Variants in IQSEC1 observed in about 807,000 individuals in gnomAD.
IQSEC1 encodes the protein IQ motif and SEC7 domain-containing protein 1.
IQSEC1 carries 31 observed loss-of-function variants against 91.0 expected under a neutral mutation model. The observed-to-expected ratio is 0.34, with a 90% CI of 0.26 to 0.46. The LOEUF is 0.46. Among genes scored for constraint, IQSEC1 ranks in the 20% least tolerant of loss-of-function variants. The pLI is 1.00. For synonymous variants in IQSEC1, 699 were observed against 662.6 expected, an observed-to-expected ratio of 1.05 and a Z score of -0.84; for missense variants, 1,388 against 1,575.6, an observed-to-expected ratio of 0.88 and a Z score of 2.02.
In IQSEC1 at chr3:12,996,181, T is replaced by A. The variant is rs192556774; in HGVS notation, c.24-54316A>T. ...GTCTCTTAAAAACACTTTTTTTTTT[T>A]AAAGAGCAGTTAAGGGAAGATAAGA... On this transcript the variant is annotated intron_variant, in intron 1 of 13. Coordinates refer to ENST00000613206, the MANE Select transcript of IQSEC1 (RefSeq NM_001134382.3). Among the ~76,000 whole-genome samples the A allele has an allele frequency of 4.1e-3, 621 of 152,208 alleles. 5 individuals carry two copies. Among genetic ancestry groups the A allele is most frequent in the Non-Finnish European group, 5.2e-3 (351 of 67,996 alleles).
chr3:13,098,792 G>A (rs1706008102), intron 2 of IQSEC1, among the ~76,000 whole-genome samples: 1 of 152,236 alleles, frequency 6.6e-6, no homozygotes, highest in Non-Finnish European at 1.5e-5. Context: ...CAGGGACTTA[G>A]GGGAAGAGGA....
chr3:13,224,569 TG>T (rs1267990716), intron 1 of IQSEC1, among the ~76,000 whole-genome samples: 1 of 152,154 alleles, frequency 6.6e-6, no homozygotes. Context: ...TGAGAGCATC[TG>T]ATCTCCGCAG....
intron 13 of IQSEC1, 130 bp downstream of exon 13, chr3:12,902,643 C>CAAA: frequency 3.3e-6 from 1 of 305,382 alleles, no homozygotes; most frequent in South Asian, 3.1e-5. Context: ...AAGGAAAAGC[C>CAAA]AAAAAAAAAA....
chr3:13,044,578 T>A (rs535577327), intron 1 of IQSEC1, among the ~76,000 whole-genome samples: 1 of 152,350 alleles, frequency 6.6e-6, no homozygotes, highest in South Asian at 2.1e-4. Context: ...CAACTTGGGC[T>A]GATAACTGGG....
rs528924611 is a variant in IQSEC1, at chr3:13,214,372, C to T, written c.273-50239G>A. ...AGCTGCCCAGGCCGACTCCTCACCC[C>T]GTCCCACAGCCAGCACAGGCAGGCA... On this transcript the variant is annotated intron_variant, in intron 1 of 15. Coordinates refer to the IQSEC1 transcript ENST00000648114. This position sits in a 1 kb window ranked among gnomAD's most constrained non-coding sequence, Gnocchi z 4.5. 1.4e-4 allele frequency among the ~76,000 whole-genome samples: 21 copies of T among 152,352 alleles called. No homozygotes were observed. The highest frequency in any genetic ancestry group is 4.6e-4 in the African/African-American group (19 of 41,582).
At chr3:13,280,954 G>A (rs1032369565) in intron 1 of IQSEC1, among the ~76,000 whole-genome samples, 2 of 152,230 alleles carry the variant, frequency 1.3e-5, no homozygotes, top group South Asian at 2.1e-4. Context: ...CGGCCAAGGC[G>A]GCTGCCTGGA....
chr3:13,163,217 G>C (rs113675770), intron 2 of IQSEC1, among the ~76,000 whole-genome samples: 280 of 152,234 alleles, frequency 1.8e-3, no homozygotes, highest in South Asian at 0.012. Context: ...TCTGTCTCTT[G>C]TTCTGCAGGC....
At chr3:13,268,745 C>T (rs1258926853) in intron 1 of IQSEC1, among the ~76,000 whole-genome samples, 3 of 152,192 alleles carry the variant, frequency 2.0e-5, no homozygotes, top group Admixed American at 6.5e-5. Flanking sequence ...TCTGGAGACC[C>T]TTGTCCATGT....
intron 1 of IQSEC1, among the ~76,000 whole-genome samples, chr3:13,000,743 G>T (rs903153550): frequency 6.6e-6 from 1 of 152,194 alleles, no homozygotes; most frequent in Admixed American, 6.5e-5. Flanking sequence ...GCTGAAGGAG[G>T]GCCAGTTGGT....
chr3:13,089,408 A>G (rs1235799919), intron 2 of IQSEC1, among the ~76,000 whole-genome samples: 1 of 152,128 alleles, frequency 6.6e-6, no homozygotes, highest in African/African-American at 2.4e-5. Flanking sequence ...AGTGAGACTC[A>G]GTCTCTACAG....
chr3:13,061,686 G>T (rs1705073030), intron 1 of IQSEC1, among the ~76,000 whole-genome samples: 2 of 152,298 alleles, frequency 1.3e-5, no homozygotes, highest in Admixed American at 6.5e-5. Context: ...GCTGCCCTGG[G>T]CCTCTGCACA....
intron 1 of IQSEC1, among the ~76,000 whole-genome samples, chr3:13,252,289 G>A (rs1047013821): frequency 2.6e-5 from 4 of 152,128 alleles, no homozygotes; most frequent in East Asian, 1.9e-4. Flanking sequence ...TAAGGGGATC[G>A]TATGGATCTG....
At chr3:12,975,376 T>C (rs1701117375) in intron 1 of IQSEC1, among the ~76,000 whole-genome samples, 1 of 152,240 alleles carries the variant, frequency 6.6e-6, no homozygotes, top group Non-Finnish European at 1.5e-5. Flanking sequence ...CTTTCCCAAC[T>C]CTCTGCCTCT....
At chr3:12,943,960 C>T (rs1698990271) in intron 1 of IQSEC1, among the ~76,000 whole-genome samples, 4 of 152,320 alleles carry the variant, frequency 2.6e-5, no homozygotes, top group African/African-American at 9.6e-5. Flanking sequence ...ATGCCCACCC[C>T]ACTCCCCAGG....
intron 1 of IQSEC1, among the ~76,000 whole-genome samples, chr3:13,050,821 T>C (rs1046374939): frequency 6.6e-6 from 1 of 152,256 alleles, no homozygotes; most frequent in African/African-American, 2.4e-5. Flanking sequence ...TTGCATGATA[T>C]TCAATATACC....
chr3:12,977,488 G>GA, intron 1 of IQSEC1, among the ~76,000 whole-genome samples: 1 of 152,294 alleles, frequency 6.6e-6, no homozygotes, highest in African/African-American at 2.4e-5. Context: ...AGGGAATCTA[G>GA]AAAAAATACA....
Position 12,936,668 on chromosome 3 carries a change from C to T in IQSEC1, c.348G>A (p.Gly116=), listed in dbSNP as rs2125313522. 1 of 1,593,128 alleles carries T rather than the reference C, an allele frequency of 6.3e-7. No homozygotes were observed. Among genetic ancestry groups the T allele is most frequent in the Middle Eastern group, 1.7e-4 (1 of 6,038 alleles). The change falls in exon 3 of 14, where the codon GGG becomes GGA. Residue 116 remains glycine, a synonymous_variant. Transcript: ENST00000613206. ...GGGCCGCATGGCGGGTTACCAGGCG[C>T]CCCCCATACTTTCGTTCTAGCATCT... ...QVEMLERKYG[G]RLVTRHAART... is the part of the protein sequence containing the mutation.
At chr3:13,009,040 C>A (rs979654021) in intron 1 of IQSEC1, among the ~76,000 whole-genome samples, 5 of 152,356 alleles carry the variant, frequency 3.3e-5, no homozygotes, top group Non-Finnish European at 7.3e-5. Flanking sequence ...AGCCCTTTTC[C>A]TCTCCAGGGT....
chr3:13,188,061 G>T (rs1460435672), intron 1 of IQSEC1, among the ~76,000 whole-genome samples: 1 of 152,170 alleles, frequency 6.6e-6, no homozygotes, highest in East Asian at 1.9e-4. Context: ...CCCATCTCCA[G>T]CCATTCTGTT....
Sources: allele counts gnomAD v4.1 joint callset (sites outside exome capture counted in the v4.1 genomes callset), GRCh38; gene constraint gnomAD v4.1.1; non-coding constraint Gnocchi (gnomAD v3.1); transcripts MANE v1.5; gene names NCBI Gene and HGNC (gene_info 2026-07-23, HGNC 2026-07-21).